Variants in SLC22A23 observed in about 807,000 individuals in gnomAD.
SLC22A23 encodes solute carrier family 22 member 23, also known as ion transporter protein.
Under a neutral mutation model 61.0 loss-of-function variants are expected in SLC22A23, and 26 were observed. That is an observed-to-expected ratio of 0.43 (90% CI 0.31 to 0.59). The LOEUF is 0.59. SLC22A23 is among the 20% of genes least tolerant of loss of function. The pLI is 0.11. For synonymous variants in SLC22A23, 430 were observed against 413.9 expected, an observed-to-expected ratio of 1.04 and a Z score of -0.47; for missense variants, 796 against 934.7, an observed-to-expected ratio of 0.85 and a Z score of 1.94.
Position 3,318,871 on chromosome 6 carries a change from A to G in SLC22A23, c.1082+4963T>C, listed in dbSNP as rs10900939. 0.37 allele frequency among the ~76,000 whole-genome samples: 55,783 copies of G among 151,860 alleles called. 10,451 individuals are homozygous for G. Among genetic ancestry groups the G allele is most frequent in the Middle Eastern group, 0.47 (138 of 292 alleles). ...TCAGGAAACAGACCCAGCTGCCATC[A>G]CTGCCTCCTCTCTCACCTTTGAGAG... On this transcript the variant is annotated intron_variant, in intron 4 of 9. Coordinates refer to ENST00000406686, the MANE Select transcript of SLC22A23 (RefSeq NM_015482.2). This position sits in a 1 kb window ranked among gnomAD's most constrained non-coding sequence, Gnocchi z 4.3.
intron 3 of SLC22A23, among the ~76,000 whole-genome samples, chr6:3,336,899 T>C (rs1353702421): frequency 6.6e-6 from 1 of 151,188 alleles, no homozygotes; most frequent in Non-Finnish European, 1.5e-5. Flanking sequence ...TGGGCTCCAG[T>C]GGTCCTCCCA....
rs558964393 is a variant in SLC22A23 at position 3,333,466 on chromosome 6, C to A, written c.914-9464G>T. Among the ~76,000 whole-genome samples, 1 of 152,084 alleles carries A rather than the reference C, an allele frequency of 6.6e-6. No individual in the cohort carries two copies. Among genetic ancestry groups the A allele is most frequent in the Admixed American group, 6.5e-5 (1 of 15,278 alleles). ...TCAGACCACATCACCTGCCCCTCCC[C>A]GCCCCATCGCTCCACTTCAGCCACA... On this transcript the variant is annotated intron_variant, in intron 3 of 9. Coordinates refer to ENST00000406686, the MANE Select transcript of SLC22A23 (RefSeq NM_015482.2). This position sits in a 1 kb window ranked among gnomAD's most constrained non-coding sequence, Gnocchi z 4.1.
In SLC22A23 at chr6:3,279,509, C is replaced by CAAAAAAAAAAAAAAAAAAAAAAAAAAAAA. The variant is rs10642564; in HGVS notation, c.1703+4342_1703+4343insTTTTTTTTTTTTTTTTTTTTTTTTTTTTT. On this transcript the variant is annotated intron_variant, in intron 9 of 9. Coordinates refer to ENST00000406686, the MANE Select transcript of SLC22A23 (RefSeq NM_015482.2). ...CTGGCAACAGAGCAAGGCTCCGTCT[C>CAAAAAAAAAAAAAAAAAAAAAAAAAAAAA]AAAAAAAAAAAAAAAAAAAAAAAAA... Among the ~76,000 whole-genome samples, 4 of 36,016 alleles carry CAAAAAAAAAAAAAAAAAAAAAAAAAAAAA rather than the reference C, an allele frequency of 1.1e-4. 1 individual carries two copies. The highest frequency in any genetic ancestry group is 1.5e-4 in the African/African-American group (2 of 13,644). 23.6% of individuals were successfully genotyped at this position (36,016 alleles called of 152,430 possible). A position where few individuals can be genotyped will look rare whatever the true frequency, so the allele number is the denominator to read the frequency against.
intron 3 of SLC22A23, among the ~76,000 whole-genome samples, chr6:3,391,077 A>G (rs573945609): frequency 1.3e-5 from 2 of 152,366 alleles, no homozygotes; most frequent in African/African-American, 2.4e-5. Context: ...ACGGAGCTAC[A>G]ATGAAAATAA....
In SLC22A23 at chr6:3,416,970, C is replaced by T. The variant is rs184690137; in HGVS notation, c.655-1115G>A. 9.9e-5 allele frequency among the ~76,000 whole-genome samples: 15 copies of T among 152,230 alleles called. No individual in the cohort carries two copies. In the East Asian group the frequency reaches 2.9e-3, roughly 29 times the overall value. On this transcript the variant is annotated intron_variant, in intron 1 of 9. Transcript: ENST00000406686. ...CCTAGTTCTGTCTTCTTAGATGTCT[C>T]CCCCCGCCCCTTGTCTCTATGCTAC...
chr6:3,426,687 A>G (rs916304141), intron 1 of SLC22A23, among the ~76,000 whole-genome samples: 8 of 151,162 alleles, frequency 5.3e-5, no homozygotes, highest in Non-Finnish European at 1.0e-4. Flanking sequence ...TTCTTGCTTT[A>G]TTTAGCTCAA....
Position 3,347,911 on chromosome 6 carries a change from C to T in SLC22A23, c.914-23909G>A, listed in dbSNP as rs149639220. ...CTAAAGATGAAGCTCTGCCCAGCAT[C>T]GGGAGGTGTGCGGCTGTTGCCCCAG... On this transcript the variant is annotated intron_variant, in intron 3 of 9. Coordinates refer to ENST00000406686, the MANE Select transcript of SLC22A23 (RefSeq NM_015482.2). Among the ~76,000 whole-genome samples the T allele has an allele frequency of 6.0e-4, 92 of 152,266 alleles. 1 individual carries two copies. The highest frequency in any genetic ancestry group is 9.7e-4 in the East Asian group (5 of 5,154).
chr6:3,283,029 T>C (rs1759617877), intron 9 of SLC22A23, among the ~76,000 whole-genome samples: 1 of 152,218 alleles, frequency 6.6e-6, no homozygotes. Flanking sequence ...CTGGGCCTAG[T>C]GTCTGGCGCG....
chr6:3,392,581 G>C lies in SLC22A23; in HGVS notation c.913+17607C>G, dbSNP rs149245325. 7.9e-4 allele frequency among the ~76,000 whole-genome samples: 121 copies of C among 152,296 alleles called. 1 individual carries two copies. The highest frequency in any genetic ancestry group is 2.8e-3 in the African/African-American group (118 of 41,572). On this transcript the variant is annotated intron_variant, in intron 3 of 9. Coordinates refer to ENST00000406686, the MANE Select transcript of SLC22A23 (RefSeq NM_015482.2). ...TAGTTTTCCAGGCATGAAATGAAAA[G>C]GCTTTGCCTCAGGGGGTGGCAGTGG...
rs1002036610 is a variant in SLC22A23 at position 3,360,747 on chromosome 6, C to T, written c.914-36745G>A. On this transcript the variant is annotated intron_variant, in intron 3 of 9. Transcript: ENST00000406686. The surrounding 1 kb of genome is among the most constrained non-coding windows in gnomAD (Gnocchi z 4.6). ...CAAGGGGTCCTCAGTGATGTCGACA[C>T]GACAGGTGTGCAGGCACCCCCATGC... 6.6e-5 allele frequency among the ~76,000 whole-genome samples: 10 copies of T among 152,224 alleles called. No homozygotes were observed. Among genetic ancestry groups the T allele is most frequent in the South Asian group, 2.1e-4 (1 of 4,832 alleles).
In SLC22A23 at chr6:3,329,005, G is replaced by A. The variant is rs767471995; in HGVS notation, c.914-5003C>T. The stretch of plus-strand genomic sequence containing the variant: ...AGGGCACTGCCAAGCTCAAGGGACC[G>A]TCTGTCAAAACACTGCAGCACCCAG... On this transcript the variant is annotated intron_variant, in intron 3 of 9. Transcript: ENST00000406686. This position sits in a 1 kb window ranked among gnomAD's most constrained non-coding sequence, Gnocchi z 4.8. Among the ~76,000 whole-genome samples, 4 of 151,992 alleles carry A rather than the reference G, an allele frequency of 2.6e-5. No homozygotes were observed. The East Asian group carries it at 5.8e-4, about 22-fold the overall frequency.
At chr6:3,282,401 C>T (rs1216320429) in intron 9 of SLC22A23, 5 of 687,070 alleles carry the variant, frequency 7.3e-6, no homozygotes, top group Non-Finnish European at 1.3e-5. Flanking sequence ...TGCCCAGTAG[C>T]TGTCAGGCTG....
rs552549910 is a variant in SLC22A23, at chr6:3,390,444, G to A, written c.913+19744C>T. Among the ~76,000 whole-genome samples, 14 of 152,236 alleles carry A rather than the reference G, an allele frequency of 9.2e-5. No homozygotes were observed. The highest frequency in any genetic ancestry group is 7.2e-5 in the African/African-American group (3 of 41,524). ...TTAAGTCCAAGTGCCAACCTAACAT[G>A]AGAAGGCTAAGAATTCTGTTCACAT... On this transcript the variant is annotated intron_variant, in intron 3 of 9. Coordinates refer to ENST00000406686, the MANE Select transcript of SLC22A23 (RefSeq NM_015482.2). This position sits in a 1 kb window ranked among gnomAD's most constrained non-coding sequence, Gnocchi z 4.0.
At chr6:3,432,838 G>C (rs1770957949) in intron 1 of SLC22A23, among the ~76,000 whole-genome samples, 1 of 152,192 alleles carries the variant, frequency 6.6e-6, no homozygotes, top group African/African-American at 2.4e-5. Context: ...CAAATCAGGA[G>C]GCCTGGCCCT....
chr6:3,439,929 G>A (rs748760085), intron 1 of SLC22A23, among the ~76,000 whole-genome samples: 9 of 152,234 alleles, frequency 5.9e-5, no homozygotes, highest in Non-Finnish European at 1.2e-4. Flanking sequence ...GAGCTCTGGG[G>A]TCCCTGTGGG....
At chr6:3,346,938 A>G (rs916557464) in intron 3 of SLC22A23, among the ~76,000 whole-genome samples, 2 of 152,246 alleles carry the variant, frequency 1.3e-5, no homozygotes, top group African/African-American at 2.4e-5. Flanking sequence ...CACATTAAAC[A>G]AAGATACTAT....
chr6:3,320,897 T>C (rs1355526087), intron 4 of SLC22A23, among the ~76,000 whole-genome samples: 2 of 152,210 alleles, frequency 1.3e-5, no homozygotes, highest in African/African-American at 4.8e-5. Context: ...AGCACCTTAA[T>C]AGTAATATAA....
Position 3,387,045 on chromosome 6 carries a change from G to A in SLC22A23, c.913+23143C>T, listed in dbSNP as rs1428426585. Among the ~76,000 whole-genome samples the A allele has an allele frequency of 6.6e-6, 1 of 152,300 alleles. No homozygotes were observed. The highest frequency in any genetic ancestry group is 1.5e-5 in the Non-Finnish European group (1 of 68,030). ...CTACTAACCTTTAAAAAATACACACGTTTAGAAGAGACAGCTTTTTGAGGA... is the reference window on the plus strand; with the variant it reads ...CTACTAACCTTTAAAAAATACACACATTTAGAAGAGACAGCTTTTTGAGGA... On this transcript the variant is annotated intron_variant, in intron 3 of 9. Coordinates refer to ENST00000406686, the MANE Select transcript of SLC22A23 (RefSeq NM_015482.2). This position sits in a 1 kb window ranked among gnomAD's most constrained non-coding sequence, Gnocchi z 5.0.
intron 5 of SLC22A23, among the ~76,000 whole-genome samples, chr6:3,296,346 G>T (rs1761093591): frequency 6.6e-6 from 1 of 152,210 alleles, no homozygotes; most frequent in South Asian, 2.1e-4. Flanking sequence ...CACCCCTGCT[G>T]GACAAGTCCT....
Sources: gnomAD v4.1 joint callset for allele counts (sites outside exome capture counted in the v4.1 genomes callset) on GRCh38, gnomAD v4.1.1 for gene constraint, Gnocchi (gnomAD v3.1) non-coding constraint, MANE v1.5 for transcripts, NCBI Gene and HGNC (gene_info 2026-07-23, HGNC 2026-07-21) for gene names.